Variants in LPAR1 observed in about 807,000 individuals in gnomAD.
LPAR1 encodes lysophosphatidic acid receptor 1.
In LPAR1, 5 loss-of-function variants were observed where a neutral mutation model predicts 23.8. The observed-to-expected ratio is 0.21, with a 90% CI of 0.11 to 0.44. LPAR1 has a LOEUF of 0.44. Among genes scored for constraint, LPAR1 ranks in the 20% least tolerant of loss-of-function variants. LPAR1 has a pLI of 0.99. For missense variants in LPAR1, 311 were observed against 482.8 expected (o/e 0.64, Z 3.33); for synonymous variants, 160 against 164.7 (o/e 0.97, Z 0.22).
In LPAR1 at chr9:110,946,201, G is replaced by T. The variant is rs536602758; in HGVS notation, c.46-4033C>A. 7.9e-5 allele frequency among the ~76,000 whole-genome samples: 12 copies of T among 152,080 alleles called. No homozygotes were observed. In the South Asian group the frequency reaches 2.5e-3, roughly 32 times the overall value. On this transcript the variant is annotated intron_variant, in intron 4 of 5. Transcript: ENST00000683809. ...AGAGTCAGAGATGACAAGAACAAAA[G>T]AAAAGAAGGCACATATAGGAAAAAA...
intron 4 of LPAR1, among the ~76,000 whole-genome samples, chr9:110,959,094 A>AACTCTTAT (rs1408550169): frequency 6.9e-6 from 1 of 145,138 alleles, no homozygotes; most frequent in African/African-American, 2.6e-5. Flanking sequence ...GAGAAAAGGG[A>AACTCTTAT]ACTCTTATAC....
chr9:111,004,436 G>C (rs377690295), intron 2 of LPAR1, among the ~76,000 whole-genome samples: 7 of 152,216 alleles, frequency 4.6e-5, no homozygotes, highest in African/African-American at 1.2e-4. Flanking sequence ...TGAAGAAACT[G>C]TGCTTATTGC....
At chr9:110,880,162 T>A (rs1044778392) in intron 5 of LPAR1, among the ~76,000 whole-genome samples, 8 of 152,154 alleles carry the variant, frequency 5.3e-5, no homozygotes, top group African/African-American at 1.9e-4. Flanking sequence ...TCAAAACAGA[T>A]CCGTGGGTTG....
intron 5 of LPAR1, among the ~76,000 whole-genome samples, chr9:110,899,969 C>A (rs558996530): frequency 6.6e-6 from 1 of 152,242 alleles, no homozygotes; most frequent in South Asian, 2.1e-4. Flanking sequence ...TTCCTAGGGG[C>A]AAAGTCAGTG....
At position 110,950,623 on chromosome 9, in the gene LPAR1, C is replaced by T. The variant is rs375820603; in HGVS notation, c.46-8455G>A. 3.0e-4 allele frequency among the ~76,000 whole-genome samples: 46 copies of T among 152,074 alleles called. 1 individual carries two copies. In the South Asian group the frequency reaches 3.7e-3, roughly 12 times the overall value. ...TTAATCATCAAGCCATATGAATCAA[C>T]TGCTCCTATAAAAATACCAGAAAAA... On this transcript the variant is annotated intron_variant, in intron 4 of 5. Coordinates refer to ENST00000683809, the MANE Select transcript of LPAR1 (RefSeq NM_001351411.2).
At chr9:111,022,989 T>C (rs1307649064) in intron 2 of LPAR1, among the ~76,000 whole-genome samples, 2 of 141,710 alleles carry the variant, frequency 1.4e-5, no homozygotes, top group Non-Finnish European at 3.0e-5. Context: ...AAGCAGAGCT[T>C]GCAGTGAGCC....
intron 4 of LPAR1, among the ~76,000 whole-genome samples, chr9:110,959,262 AAGAC>A (rs1047794776): frequency 3.3e-5 from 5 of 151,676 alleles, no homozygotes; most frequent in Non-Finnish European, 5.9e-5. Flanking sequence ...AAAAGAAAGA[AAGAC>A]AGAGAAGGTA....
chr9:111,024,539 T>A (rs2097647080), intron 2 of LPAR1, among the ~76,000 whole-genome samples: 1 of 115,148 alleles, frequency 8.7e-6, no homozygotes. Flanking sequence ...GGAGTGTGTG[T>A]GTGTGTATAT....
At chr9:110,961,588 T>TCA (rs1350115661) in intron 4 of LPAR1, among the ~76,000 whole-genome samples, 2 of 134,922 alleles carry the variant, frequency 1.5e-5, no homozygotes, top group Admixed American at 1.6e-4. Context: ...CCACTGCACT[T>TCA]CAGCCTGGGT....
chr9:110,990,639 T>C (rs555899329), intron 2 of LPAR1, among the ~76,000 whole-genome samples: 3 of 151,964 alleles, frequency 2.0e-5, no homozygotes, highest in East Asian at 1.9e-4. Flanking sequence ...ACACCTATAA[T>C]AGAAAAGAAG....
intron 5 of LPAR1, among the ~76,000 whole-genome samples, chr9:110,882,645 A>C (rs1235600791): frequency 6.6e-6 from 1 of 152,176 alleles, no homozygotes; most frequent in Non-Finnish European, 1.5e-5. Flanking sequence ...ATGAGTGCAC[A>C]GATACATAAT....
intron 2 of LPAR1, among the ~76,000 whole-genome samples, chr9:110,993,756 G>C (rs1022756364): frequency 6.6e-6 from 1 of 152,172 alleles, no homozygotes; most frequent in Non-Finnish European, 1.5e-5. Context: ...AAGGTGCCAG[G>C]CTCCTTGGAG....
chr9:110,992,154 A>G (rs966660534), intron 2 of LPAR1, among the ~76,000 whole-genome samples: 1 of 152,238 alleles, frequency 6.6e-6, no homozygotes, highest in Non-Finnish European at 1.5e-5. Flanking sequence ...GTATATGTCC[A>G]TAAGGAACTT....
At chr9:110,888,101 C>T (rs2082900852) in intron 5 of LPAR1, among the ~76,000 whole-genome samples, 2 of 152,174 alleles carry the variant, frequency 1.3e-5, no homozygotes, top group Middle Eastern at 3.4e-3. Context: ...AAATTCAATG[C>T]CTCTAACAGT....
chr9:110,880,666 C>T (rs2080502938), intron 5 of LPAR1, among the ~76,000 whole-genome samples: 2 of 152,140 alleles, frequency 1.3e-5, no homozygotes, highest in South Asian at 4.1e-4. Context: ...GCACTGTGCC[C>T]AAGGTGGCCT....
At chr9:110,908,840 C>T (rs1460452887) in intron 5 of LPAR1, among the ~76,000 whole-genome samples, 4 of 152,170 alleles carry the variant, frequency 2.6e-5, no homozygotes, top group Non-Finnish European at 4.4e-5. Context: ...AGAAGGGACA[C>T]GAGAACTACC....
At position 111,015,231 on chromosome 9, in the gene LPAR1, C is replaced by A. The variant is rs1054059346; in HGVS notation, c.-182+20891G>T. Among the ~76,000 whole-genome samples the A allele has an allele frequency of 2.6e-4, 39 of 152,142 alleles. 1 individual carries two copies. The highest frequency in any genetic ancestry group is 1.9e-4 in the East Asian group (1 of 5,188). On this transcript the variant is annotated intron_variant, in intron 2 of 5. Transcript: ENST00000683809. The stretch of plus-strand genomic sequence containing the variant: ...GGGACTTCATGGCAGCCCTGGCAAT[C>A]TAATATAAATACACTTCCCATGTCC...
intron 4 of LPAR1, among the ~76,000 whole-genome samples, chr9:110,964,909 G>C (rs1393266932): frequency 3.1e-5 from 4 of 130,262 alleles, no homozygotes; most frequent in Non-Finnish European, 6.2e-5. Context: ...TTTCACCTAG[G>C]CTGGAGTGCA....
intron 5 of LPAR1, among the ~76,000 whole-genome samples, chr9:110,876,518 G>T (rs962473447): frequency 9.2e-5 from 14 of 152,170 alleles, no homozygotes; most frequent in Admixed American, 2.0e-4. Flanking sequence ...TTGTACAGAT[G>T]AAGGAACTGA....
Sources: allele counts gnomAD v4.1 joint callset (sites outside exome capture counted in the v4.1 genomes callset), GRCh38; gene constraint gnomAD v4.1.1; transcripts MANE v1.5; gene names NCBI Gene and HGNC (gene_info 2026-07-23, HGNC 2026-07-21).